Variants in CDH6 observed in about 807,000 individuals in gnomAD.
CDH6 encodes the protein cadherin-6.
A neutral mutation model predicts 78.0 loss-of-function variants in CDH6; 31 were observed. The observed-to-expected ratio is 0.40, with a 90% CI of 0.30 to 0.54. The LOEUF (loss-of-function observed/expected upper bound fraction) is 0.54, where lower values mean the gene tolerates loss of function less well. CDH6 is among the 20% of genes least tolerant of loss of function. CDH6 has a pLI of 0.56. For missense variants in CDH6, 724 were observed against 975.9 expected (o/e 0.74, Z 3.44); for synonymous variants, 376 against 368.8 (o/e 1.02, Z -0.23).
chr5:31,310,749 C>T (rs1341564118), intron 7 of CDH6, among the ~76,000 whole-genome samples: 1 of 152,246 alleles, frequency 6.6e-6, no homozygotes, highest in Non-Finnish European at 1.5e-5. Context: ...TTGGGTCTTG[C>T]ACCCTCTGAA....
intron 2 of CDH6, among the ~76,000 whole-genome samples, chr5:31,284,951 G>A (rs1742973107): frequency 6.6e-6 from 1 of 152,206 alleles, no homozygotes; most frequent in African/African-American, 2.4e-5. Context: ...AAACCAGAAA[G>A]ACTGGGATTT....
rs578121744 is a variant in CDH6 at position 31,229,977 on chromosome 5, T to C, written c.-129+36091T>C. ...TTTCATAATTAAATTCTATCTTCCA[T>C]ATCCTTTGAATGCTGTATGGGCGTT... On this transcript the variant is annotated intron_variant, in intron 1 of 11. Transcript: ENST00000265071. 1.5e-4 allele frequency among the ~76,000 whole-genome samples: 23 copies of C among 152,312 alleles called. No homozygotes were observed. The South Asian group carries it at 3.1e-3, about 21-fold the overall frequency.
chr5:31,319,321 C>G (rs1227201810), intron 11 of CDH6, among the ~76,000 whole-genome samples: 1 of 152,134 alleles, frequency 6.6e-6, no homozygotes, highest in African/African-American at 2.4e-5. Context: ...CTCAGTGCCT[C>G]CCACATCTTG....
At chr5:31,291,601 C>T (rs935873104) in intron 2 of CDH6, among the ~76,000 whole-genome samples, 4 of 151,760 alleles carry the variant, frequency 2.6e-5, no homozygotes, top group East Asian at 2.0e-4. Context: ...TGCCTAGGAA[C>T]GTGCCCCCCG....
chr5:31,262,483 AAAG>A (rs1210203289), intron 1 of CDH6, among the ~76,000 whole-genome samples: 2 of 152,248 alleles, frequency 1.3e-5, no homozygotes, highest in African/African-American at 4.8e-5. Context: ...AACAAAAAGA[AAAG>A]AAGAGACATA....
intron 1 of CDH6, among the ~76,000 whole-genome samples, chr5:31,253,108 G>C (rs1036868388): frequency 6.6e-6 from 1 of 152,182 alleles, no homozygotes; most frequent in Non-Finnish European, 1.5e-5. Context: ...CTGGCTTCCT[G>C]ATTCATGGAC....
At chr5:31,302,794 GAGAGAGAAAGAAAGAA>G (rs1371108735) in intron 6 of CDH6, among the ~76,000 whole-genome samples, 608 of 36,360 alleles carry the variant, frequency 0.017, 4 homozygotes, top group African/African-American at 0.024. Flanking sequence ...GAGAGAGAGA[GAGAGAGAAAGAAAGAA>G]AGAAAGAAAG....
chr5:31,266,955 AT>A (rs1742378917), intron 1 of CDH6, among the ~76,000 whole-genome samples: 1 of 152,254 alleles, frequency 6.6e-6, no homozygotes, highest in Non-Finnish European at 1.5e-5. Flanking sequence ...GGTCTGTGAT[AT>A]ACTTTGCCTT....
intron 7 of CDH6, 78 bp from the exon 8 acceptor site, chr5:31,313,240 G>C: frequency 7.6e-7 from 1 of 1,314,860 alleles, no homozygotes; most frequent in Non-Finnish European, 1.1e-6. Context: ...ATGTGTACCA[G>C]ATGTTTTATG....
At chr5:31,263,655 G>T (rs768938864) in intron 1 of CDH6, among the ~76,000 whole-genome samples, 1 of 151,916 alleles carries the variant, frequency 6.6e-6, no homozygotes, top group Admixed American at 6.6e-5. Context: ...CCATGAACAA[G>T]TTAATCCATT....
chr5:31,269,536 AG>A (rs1742462147), intron 2 of CDH6, among the ~76,000 whole-genome samples: 1 of 152,184 alleles, frequency 6.6e-6, no homozygotes, highest in Non-Finnish European at 1.5e-5. Context: ...GTGGAGTTGC[AG>A]TAAAGTGATA....
At position 31,292,648 on chromosome 5, in the gene CDH6, G is replaced by A. The variant is rs1486393140; in HGVS notation, c.229-1314G>A. Among the ~76,000 whole-genome samples the A allele has an allele frequency of 5.9e-5, 9 of 151,800 alleles. No individual in the cohort carries two copies. The South Asian group carries it at 1.3e-3, about 21-fold the overall frequency. ...ACTAACTTCTCTATATACCATGGATGCTTAAAACTCTGGGGGTTTATAAAT... is the reference window on the plus strand; with the variant it reads ...ACTAACTTCTCTATATACCATGGATACTTAAAACTCTGGGGGTTTATAAAT... On this transcript the variant is annotated intron_variant, in intron 2 of 11. Transcript: ENST00000265071.
chr5:31,322,759 C>T, intron 11 of CDH6, 59 bp from the exon 12 acceptor site: 1 of 1,547,534 alleles, frequency 6.5e-7, no homozygotes, highest in South Asian at 1.2e-5. Context: ...TTCTTCCTGA[C>T]ATTAATTGGG....
rs187646603 is a variant in CDH6, at chr5:31,327,713, G to T, written c.*4405G>T. On this transcript the variant is annotated 3_prime_UTR_variant, in exon 12 of 12. Coordinates refer to ENST00000265071, the MANE Select transcript of CDH6 (RefSeq NM_004932.4). Reference sequence around the variant, plus strand: ...CCTTAAATGTTTAGTAGCTCTTATGGTCACAGCATTTTTAATCTCCCTATG... The same window carrying T: ...CCTTAAATGTTTAGTAGCTCTTATGTTCACAGCATTTTTAATCTCCCTATG... The T allele has an allele frequency of 5.7e-4, 117 of 205,510 alleles. 1 individual carries two copies. The highest frequency in any genetic ancestry group is 2.3e-3 in the African/African-American group (103 of 43,950). The allele number at this position is 205,510 out of a possible 1,614,324, so 12.7% of individuals were successfully genotyped here.
intron 11 of CDH6, 155 bp downstream of exon 11, chr5:31,318,079 C>A: frequency 1.1e-6 from 1 of 898,406 alleles, no homozygotes; most frequent in Non-Finnish European, 1.8e-6. Context: ...ACGATGTGAA[C>A]TCATTTTTGC....
At chr5:31,238,929 A>G (rs1741524244) in intron 1 of CDH6, among the ~76,000 whole-genome samples, 1 of 152,222 alleles carries the variant, frequency 6.6e-6, no homozygotes, top group Admixed American at 6.5e-5. Context: ...ACTTCTCTAT[A>G]TATGTTTAGG....
In CDH6 at chr5:31,258,638, T is replaced by TA. The variant is rs948856681; in HGVS notation, c.-128-8698dup. Among the ~76,000 whole-genome samples the TA allele has an allele frequency of 1.5e-4, 23 of 148,754 alleles. 1 individual carries two copies. The highest frequency in any genetic ancestry group is 1.3e-3 in the South Asian group (6 of 4,652). On this transcript the variant is annotated intron_variant, in intron 1 of 11. Transcript: ENST00000265071. ...GTACCCCAGAACTTAAAGTATAATT[T>TA]AAAAAAAAAAGAAAAGAAAATGGTC...
Position 31,207,141 on chromosome 5 carries a change from G to A in CDH6, c.-129+13255G>A, listed in dbSNP as rs117967053. Among the ~76,000 whole-genome samples, 81 of 152,270 alleles carry A rather than the reference G, an allele frequency of 5.3e-4. 1 individual carries two copies. The East Asian group carries it at 0.013, about 25-fold the overall frequency. On this transcript the variant is annotated intron_variant, in intron 1 of 11. Transcript: ENST00000265071. ...CCATTTAATGAACACTTTTGGGCAA[G>A]GCATTGTGTCAAGTGCCACAGATAA...
At chr5:31,200,895 G>C (rs1740333992) in intron 1 of CDH6, among the ~76,000 whole-genome samples, 1 of 152,136 alleles carries the variant, frequency 6.6e-6, no homozygotes, top group Non-Finnish European at 1.5e-5. Flanking sequence ...AATATAATCA[G>C]AGAATGTGAG....
Sources: gnomAD v4.1 joint callset for allele counts (sites outside exome capture counted in the v4.1 genomes callset) on GRCh38, gnomAD v4.1.1 for gene constraint, MANE v1.5 for transcripts, NCBI Gene and HGNC (gene_info 2026-07-23, HGNC 2026-07-21) for gene names.